ASCL4: variants seen among roughly 807,000 people sequenced by gnomAD.
ASCL4 encodes achaete-scute homolog 4.
In ASCL4, 1 loss-of-function variant was observed where a neutral mutation model predicts 0.3. The ratio of observed to expected loss-of-function variants is 3.35; its 90% CI spans 1.19 to 15.89. The LOEUF (loss-of-function observed/expected upper bound fraction) is 15.89. Ranked by LOEUF, ASCL4 falls within the 30% of genes most tolerant of loss-of-function variation. The pLI, the probability that ASCL4 is intolerant of heterozygous loss-of-function variation, is 0.12. For synonymous variants in ASCL4, 137 were observed against 119.5 expected, an observed-to-expected ratio of 1.15 and a Z score of -0.96; for missense variants, 330 against 256.9, an observed-to-expected ratio of 1.28 and a Z score of -1.94.
At position 107,776,233 on chromosome 12, in the gene ASCL4, G is replaced by A. The variant is rs1172397896; in HGVS notation, c.*496G>A. On this transcript the variant is annotated 3_prime_UTR_variant, in exon 1 of 1. Transcript: ENST00000342331. ...AACATTTTCTTGCATTCCTTCCTTC[G>A]GGAATTGTATTCAAAATGTAATGGA... is the stretch of plus-strand genomic sequence containing the variant. 6.0e-6 allele frequency: 1 copy of A among 167,336 alleles called. No individual in the cohort carries two copies. The highest frequency in any genetic ancestry group is 6.5e-5 in the Admixed American group (1 of 15,292). The allele number at this position is 167,336 out of a possible 1,614,324, so 10.4% of individuals were successfully genotyped here. A position where few individuals can be genotyped will look rare whatever the true frequency, so the allele number is the denominator to read the frequency against.
In ASCL4 at chr12:107,774,910, T is replaced by G; in HGVS notation, c.-309T>G. ...GGGGGACCAGGCAGAGGAACCCCCT[T>G]TGTTATCTTCTGAAAGAAGATCAGT... On this transcript the variant is annotated 5_prime_UTR_variant, in exon 1 of 1. Coordinates refer to ENST00000342331, the MANE Select transcript of ASCL4 (RefSeq NM_203436.3). 2 of 380,398 alleles carry G rather than the reference T, an allele frequency of 5.3e-6. No homozygotes were observed. The highest frequency in any genetic ancestry group is 5.1e-5 in the East Asian group (1 of 19,774). 23.6% of individuals were successfully genotyped at this position (380,398 alleles called of 1,614,324 possible). A position where few individuals can be genotyped will look rare whatever the true frequency, so the allele number is the denominator to read the frequency against.
At position 107,775,481 on chromosome 12, in the gene ASCL4, T is replaced by A. The variant is rs765549734; in HGVS notation, c.263T>A (p.Val88Glu). 3.2e-6 allele frequency: 5 copies of A among 1,571,956 alleles called. No individual in the cohort carries two copies. The South Asian group carries it at 5.7e-5, about 18-fold the overall frequency. The change falls in exon 1 of 1, where the codon GTG becomes GAG. Residue 88 changes from valine (V) to glutamate (E), a missense_variant. Transcript: ENST00000342331. ...CGCGAGCGGCAGCGGGTGCGCTGCGTGAACGAGGGCTATGCGCGCCTCCGA... is the reference window on the plus strand; with the variant it reads ...CGCGAGCGGCAGCGGGTGCGCTGCGAGAACGAGGGCTATGCGCGCCTCCGA... Reference protein sequence around the residue: ...NERERQRVRCVNEGYARLRDH... With the variant: ...NERERQRVRCENEGYARLRDH...
Position 107,775,161 on chromosome 12 carries a change from C to G in ASCL4, c.-58C>G, listed in dbSNP as rs1446450650. ...CACCTCTGCTTCTAAGATTCTGTTT[C>G]GTCTTCTTCTATTGAGAGATTGACC... is the stretch of plus-strand genomic sequence containing the variant. On this transcript the variant is annotated 5_prime_UTR_variant, in exon 1 of 1. Transcript: ENST00000342331. 13 of 1,570,110 alleles carry G rather than the reference C, an allele frequency of 8.3e-6. No individual in the cohort carries two copies. Among genetic ancestry groups the G allele is most frequent in the Non-Finnish European group, 1.1e-5 (13 of 1,153,730 alleles).
In ASCL4 at chr12:107,775,139, C is replaced by T; in HGVS notation, c.-80C>T. On this transcript the variant is annotated 5_prime_UTR_variant, in exon 1 of 1. Coordinates refer to ENST00000342331, the MANE Select transcript of ASCL4 (RefSeq NM_203436.3). ...TGAGCCAGGCAGTCTGCACCAGCAC[C>T]TCTGCTTCTAAGATTCTGTTTCGTC... 1 of 1,546,378 alleles carries T rather than the reference C, an allele frequency of 6.5e-7. No individual in the cohort carries two copies. The highest frequency in any genetic ancestry group is 8.8e-7 in the Non-Finnish European group (1 of 1,139,712).
chr12:107,775,742 C>A lies in ASCL4; in HGVS notation c.*5C>A. ...CCCGAGGAGGGGGGCAGCTAGCGAG[C>A]GCCCGAACTGGCCAGGACCCCCGCG... is the stretch of plus-strand genomic sequence containing the variant. On this transcript the variant is annotated 3_prime_UTR_variant, in exon 1 of 1. Transcript: ENST00000342331. 8.4e-6 allele frequency: 12 copies of A among 1,429,390 alleles called. No homozygotes were observed. Among genetic ancestry groups the A allele is most frequent in the Non-Finnish European group, 1.0e-5 (11 of 1,099,564 alleles). The allele number at this position is 1,429,390 out of a possible 1,614,324, so 88.5% of individuals were successfully genotyped here.
Position 107,775,764 on chromosome 12 carries a change from C to A in ASCL4, c.*27C>A. The A allele has an allele frequency of 7.2e-7, 1 of 1,385,530 alleles. No homozygotes were observed. Among genetic ancestry groups the A allele is most frequent in the East Asian group, 2.9e-5 (1 of 34,114 alleles). 85.8% of individuals were successfully genotyped at this position (1,385,530 alleles called of 1,614,324 possible). A position where few individuals can be genotyped will look rare whatever the true frequency, so the allele number is the denominator to read the frequency against. ...GAGCGCCCGAACTGGCCAGGACCCC[C>A]GCGCCCGCCGCACAGCGCGCAGCCG... is the stretch of plus-strand genomic sequence containing the variant. On this transcript the variant is annotated 3_prime_UTR_variant, in exon 1 of 1. Transcript: ENST00000342331.
Position 107,776,504 on chromosome 12 carries a change from C to G in ASCL4, c.*767C>G, listed in dbSNP as rs1302801043. On this transcript the variant is annotated 3_prime_UTR_variant, in exon 1 of 1. Transcript: ENST00000342331. ...ATTTGTATGAAAACTTGTTTTTCCT[C>G]TCAATTGTTTTGTCCACTGTTTTCT... 1.2e-5 allele frequency: 2 copies of G among 167,128 alleles called. No individual in the cohort carries two copies. Among genetic ancestry groups the G allele is most frequent in the African/African-American group, 4.8e-5 (2 of 41,454 alleles). 10.4% of individuals were successfully genotyped at this position (167,128 alleles called of 1,614,324 possible).
Position 107,775,347 on chromosome 12 carries a change from C to T in ASCL4, c.129C>T (p.Asp43=), listed in dbSNP as rs563605202. The T allele has an allele frequency of 3.7e-6, 6 of 1,608,492 alleles. No homozygotes were observed. In the South Asian group the frequency reaches 6.6e-5, roughly 18 times the overall value. ...RDPLRVALRL[D]AACWEWARSG... ...CCCTCAGGGTCGCCCTGCGTCTGGA[C>T]GCCGCGTGCTGGGAGTGGGCGCGCA... The change falls in exon 1 of 1, where the codon GAC becomes GAT. Residue 43 remains aspartate (D), a synonymous_variant. Coordinates refer to ENST00000342331, the MANE Select transcript of ASCL4 (RefSeq NM_203436.3).
Position 107,775,268 on chromosome 12 carries a change from G to T in ASCL4, c.50G>T (p.Arg17Leu). The T allele has an allele frequency of 1.9e-6, 3 of 1,612,794 alleles. No homozygotes were observed. The highest frequency in any genetic ancestry group is 2.5e-6 in the Non-Finnish European group (3 of 1,179,474). ...AERLALPYSL[R>L]TAPLGVPGTL... is the part of the protein sequence containing the mutation. ...CGGCTGGCCTTGCCATACTCGCTGC[G>T]CACCGCGCCCCTGGGCGTTCCGGGG... The change falls in exon 1 of 1, where the codon CGC becomes CTC. Residue 17 changes from arginine to leucine, a missense_variant. Physicochemically the swap from Arg to Leu is moderately radical, Grantham distance 102 (BLOSUM62 -2). Coordinates refer to ENST00000342331, the MANE Select transcript of ASCL4 (RefSeq NM_203436.3).
chr12:107,775,643 TC>T lies in ASCL4; in HGVS notation c.430del (p.Gln144SerfsTer62), dbSNP rs1440969886. The T allele has an allele frequency of 1.9e-6, 3 of 1,555,586 alleles. No homozygotes were observed. Among genetic ancestry groups the T allele is most frequent in the South Asian group, 1.2e-5 (1 of 85,250 alleles). On this transcript the variant is annotated frameshift_variant, in exon 1 of 1. Transcript: ENST00000342331. LOFTEE classifies it high-confidence loss of function. ...GGGCTCGAGGGCGCGGCCGGCGCCG[TC>T]CCCCAGCGCAGGGCGGAATGCAACA... ...AWGLEGAAGA[V>X]PQRRAECNSD... is the part of the protein sequence containing the mutation.
Position 107,774,885 on chromosome 12 carries a change from G to A in ASCL4, c.-334G>A. On this transcript the variant is annotated 5_prime_UTR_variant, in exon 1 of 1. Coordinates refer to ENST00000342331, the MANE Select transcript of ASCL4 (RefSeq NM_203436.3). ...TGGTGTGAGCTCACCTTTCCAGGCT[G>A]GGGGACCAGGCAGAGGAACCCCCTT... The A allele has an allele frequency of 3.2e-6, 1 of 314,422 alleles. No individual in the cohort carries two copies. 19.5% of individuals were successfully genotyped at this position (314,422 alleles called of 1,614,324 possible).
At position 107,775,469 on chromosome 12, in the gene ASCL4, G is replaced by C. The variant is rs767455991; in HGVS notation, c.251G>C (p.Arg84Pro). The C allele has an allele frequency of 3.2e-6, 5 of 1,569,988 alleles. No individual in the cohort carries two copies. The highest frequency in any genetic ancestry group is 3.4e-6 in the Non-Finnish European group (4 of 1,166,050). The change falls in exon 1 of 1, where the codon CGG becomes CCG. Residue 84 changes from arginine (R) to proline (P), a missense_variant. Coordinates refer to ENST00000342331, the MANE Select transcript of ASCL4 (RefSeq NM_203436.3). The part of the protein sequence containing the change: ...LRKRNERERQ[R>P]VRCVNEGYAR... ...AAGCGCAACGAGCGCGAGCGGCAGC[G>C]GGTGCGCTGCGTGAACGAGGGCTAT...
In ASCL4 at chr12:107,775,302, C is replaced by T. The variant is rs1405492344; in HGVS notation, c.84C>T (p.Pro28=). The change falls in exon 1 of 1, where the codon CCC becomes CCT. Residue 28 remains proline (P), a synonymous_variant. Coordinates refer to ENST00000342331, the MANE Select transcript of ASCL4 (RefSeq NM_203436.3). The part of the protein sequence containing the change: ...TAPLGVPGTL[P]GLPRRDPLRV... ...CCCTGGGCGTTCCGGGGACCCTGCCCGGACTCCCGCGGAGGGACCCCCTCA... is the reference window on the plus strand; with the variant it reads ...CCCTGGGCGTTCCGGGGACCCTGCCTGGACTCCCGCGGAGGGACCCCCTCA... 1 of 1,611,684 alleles carries T rather than the reference C, an allele frequency of 6.2e-7. No individual in the cohort carries two copies. Among genetic ancestry groups the T allele is most frequent in the East Asian group, 2.2e-5 (1 of 44,762 alleles).
rs949416839 is a variant in ASCL4 at position 107,775,962 on chromosome 12, T to C, written c.*225T>C. On this transcript the variant is annotated 3_prime_UTR_variant, in exon 1 of 1. Coordinates refer to ENST00000342331, the MANE Select transcript of ASCL4 (RefSeq NM_203436.3). ...TTATTGGTTACGTGCCTGCAACTTA[T>C]AGGTGCTTATTAAGGAGACTCTTTT... The C allele has an allele frequency of 2.0e-5, 9 of 446,684 alleles. No homozygotes were observed. The highest frequency in any genetic ancestry group is 3.5e-5 in the Non-Finnish European group (9 of 255,960). The allele number at this position is 446,684 out of a possible 1,614,324, so 27.7% of individuals were successfully genotyped here.
Position 107,775,832 on chromosome 12 carries a change from T to G in ASCL4, c.*95T>G. On this transcript the variant is annotated 3_prime_UTR_variant, in exon 1 of 1. Coordinates refer to ENST00000342331, the MANE Select transcript of ASCL4 (RefSeq NM_203436.3). ...CCTCTTCGAAGGTGGTTTGCATTCT[T>G]AATCTGGCATCTTCTCCAGGCCTAA... The G allele has an allele frequency of 7.8e-7, 1 of 1,288,168 alleles. No homozygotes were observed. Among genetic ancestry groups the G allele is most frequent in the Non-Finnish European group, 1.0e-6 (1 of 996,464 alleles). The allele number at this position is 1,288,168 out of a possible 1,614,324, so 79.8% of individuals were successfully genotyped here.
At position 107,775,685 on chromosome 12, in the gene ASCL4, A is replaced by G. The variant is rs202145704; in HGVS notation, c.467A>G (p.Lys156Arg). The G allele has an allele frequency of 2.4e-5, 36 of 1,482,776 alleles. No homozygotes were observed. In the African/African-American group the frequency reaches 3.7e-4, roughly 15 times the overall value. 91.9% of individuals were successfully genotyped at this position (1,482,776 alleles called of 1,614,324 possible). A position where few individuals can be genotyped will look rare whatever the true frequency, so the allele number is the denominator to read the frequency against. Residue 156 changes from lysine to arginine, a missense_variant, in exon 1 of 1, where the codon AAG (lysine) becomes AGG (arginine). By Grantham distance (26) the Lys-to-Arg change is conservative. Transcript: ENST00000342331. Reference protein sequence around the residue: ...RAECNSDGESKASSAPSPSSE... With the variant: ...RAECNSDGESRASSAPSPSSE... Reference sequence around the variant, plus strand: ...GAATGCAACAGCGACGGGGAGTCCAAGGCCTCTTCGGCGCCTTCGCCCAGC... The same window carrying G: ...GAATGCAACAGCGACGGGGAGTCCAGGGCCTCTTCGGCGCCTTCGCCCAGC...
rs905370779 is a variant in ASCL4, at chr12:107,775,810, C to T, written c.*73C>T. ...AGCCGGGCGCTCAACCTAAGGTCCT[C>T]TTCGAAGGTGGTTTGCATTCTTAAT... On this transcript the variant is annotated 3_prime_UTR_variant, in exon 1 of 1. Coordinates refer to ENST00000342331, the MANE Select transcript of ASCL4 (RefSeq NM_203436.3). 1.5e-6 allele frequency: 2 copies of T among 1,345,580 alleles called. No homozygotes were observed. The highest frequency in any genetic ancestry group is 3.1e-5 in the African/African-American group (2 of 64,948). 83.4% of individuals were successfully genotyped at this position (1,345,580 alleles called of 1,614,324 possible).
Position 107,775,970 on chromosome 12 carries a change from T to C in ASCL4, c.*233T>C, listed in dbSNP as rs960776266. Reference sequence around the variant, plus strand: ...TACGTGCCTGCAACTTATAGGTGCTTATTAAGGAGACTCTTTTCCTATACT... The same window carrying C: ...TACGTGCCTGCAACTTATAGGTGCTCATTAAGGAGACTCTTTTCCTATACT... On this transcript the variant is annotated 3_prime_UTR_variant, in exon 1 of 1. Transcript: ENST00000342331. 1.4e-5 allele frequency: 6 copies of C among 428,346 alleles called. No homozygotes were observed. The Admixed American group carries it at 2.2e-4, about 16-fold the overall frequency. The allele number at this position is 428,346 out of a possible 1,614,324, so 26.5% of individuals were successfully genotyped here. A position where few individuals can be genotyped will look rare whatever the true frequency, so the allele number is the denominator to read the frequency against.
In ASCL4 at chr12:107,775,082, G is replaced by C. The variant is rs1891435482; in HGVS notation, c.-137G>C. 1 of 1,162,312 alleles carries C rather than the reference G, an allele frequency of 8.6e-7. No homozygotes were observed. Among genetic ancestry groups the C allele is most frequent in the South Asian group, 1.5e-5 (1 of 66,792 alleles). 72.0% of individuals were successfully genotyped at this position (1,162,312 alleles called of 1,614,324 possible). A position where few individuals can be genotyped will look rare whatever the true frequency, so the allele number is the denominator to read the frequency against. On this transcript the variant is annotated 5_prime_UTR_variant, in exon 1 of 1. Coordinates refer to ENST00000342331, the MANE Select transcript of ASCL4 (RefSeq NM_203436.3). ...AAGCCTGTCCAGGAACCTAACTTCT[G>C]GACCCAGAAACTTCTGCAAAGACAG...
Sources: gnomAD v4.1 joint callset for allele counts on GRCh38, gnomAD v4.1.1 for gene constraint, MANE v1.5 for transcripts, NCBI Gene and HGNC (gene_info 2026-07-23, HGNC 2026-07-21) for gene names.